The following RAPGEF5 variants were observed in gnomAD, a reference collection of about 807,000 sequenced individuals.
RAPGEF5 encodes M-Ras-regulated GEF.
Under a neutral mutation model 125.2 loss-of-function variants are expected in RAPGEF5, and 65 were observed. That is an observed-to-expected ratio of 0.52 (90% CI 0.43 to 0.64). RAPGEF5 has a LOEUF of 0.64. Ranked by LOEUF, RAPGEF5 falls within the 30% of genes least tolerant of loss-of-function variation. RAPGEF5 has a pLI of 0.00. For synonymous variants in RAPGEF5, 391 were observed against 385.9 expected (o/e 1.01, Z -0.16); for missense variants, 958 against 1,048.1 (o/e 0.91, Z 1.19).
chr7:22,355,553 CAT>C (rs1562544589), intron 1 of RAPGEF5, among the ~76,000 whole-genome samples: 1 of 152,210 alleles, frequency 6.6e-6, no homozygotes, highest in African/African-American at 2.4e-5. Context: ...AAATGCCACA[CAT>C]GTTAAGGTCA....
intron 7 of RAPGEF5, among the ~76,000 whole-genome samples, chr7:22,243,977 C>G (rs1786405758): frequency 6.6e-6 from 1 of 152,146 alleles, no homozygotes; most frequent in African/African-American, 2.4e-5. Context: ...TTTCTACTCT[C>G]TACTTCCGTA....
chr7:22,305,858 T>A (rs1783326045), intron 5 of RAPGEF5, among the ~76,000 whole-genome samples: 1 of 152,210 alleles, frequency 6.6e-6, no homozygotes, highest in Non-Finnish European at 1.5e-5. Context: ...TCCAGTTCCA[T>A]CCATGTTGTT....
intron 3 of RAPGEF5, among the ~76,000 whole-genome samples, chr7:22,313,918 C>T (rs936971304): frequency 6.6e-6 from 1 of 152,178 alleles, no homozygotes; most frequent in Non-Finnish European, 1.5e-5. Context: ...TGGGCTCTAA[C>T]CTCATGGTTC....
intron 5 of RAPGEF5, among the ~76,000 whole-genome samples, chr7:22,293,146 A>G (rs1782971991): frequency 6.6e-6 from 1 of 152,146 alleles, no homozygotes; most frequent in Non-Finnish European, 1.5e-5. Flanking sequence ...CACCTCAATC[A>G]CCAAGATTTA....
chr7:22,289,671 T>C (rs142445810), intron 6 of RAPGEF5, among the ~76,000 whole-genome samples: 1 of 152,378 alleles, frequency 6.6e-6, no homozygotes, highest in African/African-American at 2.4e-5. Context: ...TTCCATCTCA[T>C]GTTTTTTACA....
chr7:22,182,944 G>A (rs1784718061), intron 11 of RAPGEF5, among the ~76,000 whole-genome samples: 1 of 152,062 alleles, frequency 6.6e-6, no homozygotes, highest in Admixed American at 6.6e-5. Flanking sequence ...ATAAAAGCAA[G>A]GACTATTATT....
rs575808332 is a variant in RAPGEF5, at chr7:22,144,642, G to A, written c.2186+402C>T. 4.6e-5 allele frequency among the ~76,000 whole-genome samples: 7 copies of A among 152,284 alleles called. No individual in the cohort carries two copies. In the East Asian group the frequency reaches 9.7e-4, roughly 21 times the overall value. Reference sequence around the variant, plus strand: ...TGAACGAGTTCGCAAAAGTTCATACGGTGGGCCTCAAGGAGCAATGAGCAG... The same window carrying A: ...TGAACGAGTTCGCAAAAGTTCATACAGTGGGCCTCAAGGAGCAATGAGCAG... On this transcript the variant is annotated intron_variant, in intron 20 of 25. Transcript: ENST00000665637.
chr7:22,237,796 C>T (rs1211180569), intron 7 of RAPGEF5, among the ~76,000 whole-genome samples: 1 of 152,124 alleles, frequency 6.6e-6, no homozygotes, highest in Non-Finnish European at 1.5e-5. Context: ...TCAGTAATAC[C>T]AGCACCTGGA....
At chr7:22,331,853 T>A (rs537890574) in intron 1 of RAPGEF5, among the ~76,000 whole-genome samples, 1 of 152,192 alleles carries the variant, frequency 6.6e-6, no homozygotes, top group East Asian at 1.9e-4. Flanking sequence ...AGTAAGCAGG[T>A]TACCAGTGAT....
In RAPGEF5 at chr7:22,145,130, C is replaced by T; in HGVS notation, c.2100G>A (p.Gln700=). ...GCAGAATCTCCGTGGCCACCCAAAG[C>T]TGGACCTCATTGCATCTCTGGAGCA... The part of the protein sequence containing the change: ...SLLLQRCNEV[Q]LWVATEILLC... The change falls in exon 20 of 26, where the codon CAG becomes CAA. Residue 700 remains glutamine, a synonymous_variant. Coordinates refer to ENST00000665637, the MANE Select transcript of RAPGEF5 (RefSeq NM_012294.5). The T allele has an allele frequency of 1.2e-6, 2 of 1,613,880 alleles. No homozygotes were observed. Among genetic ancestry groups the T allele is most frequent in the Middle Eastern group, 3.3e-4 (2 of 6,060 alleles).
chr7:22,193,572 A>G (rs1785065933), intron 10 of RAPGEF5, 117 bp from the exon 11 acceptor site: 5 of 1,551,454 alleles, frequency 3.2e-6, no homozygotes, highest in Non-Finnish European at 4.4e-6. Context: ...CATCGAAGGT[A>G]GGCAAGGGCA....
intron 6 of RAPGEF5, among the ~76,000 whole-genome samples, chr7:22,285,193 T>C (rs1239447500): frequency 6.6e-6 from 1 of 152,128 alleles, no homozygotes; most frequent in African/African-American, 2.4e-5. Context: ...TCCTACCATA[T>C]ATTGCTAGCC....
intron 9 of RAPGEF5, among the ~76,000 whole-genome samples, chr7:22,199,531 GAAAAAAAA>G (rs35024654): frequency 5.9e-4 from 37 of 62,846 alleles, no homozygotes; most frequent in Middle Eastern, 0.015. Context: ...CCTTAAAATT[GAAAAAAAA>G]AAAAAAAAAA....
intron 14 of RAPGEF5, among the ~76,000 whole-genome samples, chr7:22,158,774 T>G (rs566224633): frequency 3.3e-5 from 5 of 152,120 alleles, no homozygotes; most frequent in African/African-American, 1.2e-4. Context: ...TACAGGCATG[T>G]GACACCACGC....
chr7:22,342,834 C>G (rs1424084745), intron 1 of RAPGEF5, among the ~76,000 whole-genome samples: 1 of 152,212 alleles, frequency 6.6e-6, no homozygotes, highest in Non-Finnish European at 1.5e-5. Context: ...CTACAAGTAT[C>G]TTGGGCAAAA....
At chr7:22,316,472 TATATATATA>T (rs1783594789) in intron 2 of RAPGEF5, among the ~76,000 whole-genome samples, 1 of 53,620 alleles carries the variant, frequency 1.9e-5, no homozygotes, top group African/African-American at 9.0e-5. Context: ...TATATATATA[TATATATATA>T]TATATATATT....
intron 13 of RAPGEF5, 25 bp downstream of exon 13, chr7:22,162,372 A>G (rs1784030004): frequency 5.2e-6 from 8 of 1,537,600 alleles, no homozygotes; most frequent in Non-Finnish European, 6.3e-6. Flanking sequence ...TTGGCATCAA[A>G]GAATATCTGG....
chr7:22,288,584 G>A (rs1354257236), intron 6 of RAPGEF5, among the ~76,000 whole-genome samples: 6 of 150,148 alleles, frequency 4.0e-5, no homozygotes, highest in Admixed American at 1.3e-4. Flanking sequence ...CTGCAGTGGC[G>A]CTATCTCAGC....
chr7:22,246,244 A>AT (rs1476468535), intron 7 of RAPGEF5, among the ~76,000 whole-genome samples: 2 of 152,216 alleles, frequency 1.3e-5, no homozygotes, highest in African/African-American at 4.8e-5. Flanking sequence ...TTCATATGGA[A>AT]TAAAAAAAGA....
Sources: gnomAD v4.1 joint callset for allele counts (sites outside exome capture counted in the v4.1 genomes callset) on GRCh38, gnomAD v4.1.1 for gene constraint, MANE v1.5 for transcripts, NCBI Gene and HGNC (gene_info 2026-07-23, HGNC 2026-07-21) for gene names.